Variants in HPD observed in about 807,000 individuals in gnomAD.
HPD encodes the protein 4-hydroxyphenylpyruvate dioxygenase, also known as 4-hydroxyphenylpyruvic acid oxidase.
HPD carries 35 observed loss-of-function variants against 56.9 expected under a neutral mutation model. The observed-to-expected ratio is 0.62, with a 90% CI of 0.47 to 0.82. The LOEUF (loss-of-function observed/expected upper bound fraction) is 0.82, where lower values mean the gene tolerates loss of function less well. HPD is among the 40% of genes least tolerant of loss of function. The probability of loss-of-function intolerance (pLI) is 0.00; values close to 1 mark genes in which losing one functional copy is unlikely to be tolerated. For synonymous variants in HPD, 186 were observed against 200.2 expected (o/e 0.93, Z 0.60); for missense variants, 442 against 506.8 (o/e 0.87, Z 1.23).
chr12:121,842,904 C>A (rs531474266), intron 12 of HPD, among the ~76,000 whole-genome samples: 8 of 151,838 alleles, frequency 5.3e-5, no homozygotes, highest in Non-Finnish European at 1.0e-4. Context: ...TGTGTCACCA[C>A]GCCTGGCTAA....
In HPD at chr12:121,854,702, C is replaced by G. The variant is rs113472814; in HGVS notation, c.414+1G>C. The G allele has an allele frequency of 6.2e-7, 1 of 1,610,688 alleles. No homozygotes were observed. The highest frequency in any genetic ancestry group is 1.3e-5 in the African/African-American group (1 of 74,872). On this transcript the variant is annotated splice_donor_variant, in intron 7 of 13. Coordinates refer to ENST00000289004, the MANE Select transcript of HPD (RefSeq NM_002150.3). LOFTEE classifies it high-confidence loss of function. ...GGGTGGGGGCACCAAAGGGAACTCA[C>G]CGTCTGCAGCACAGCAAACTTCACC... is the stretch of plus-strand genomic sequence containing the variant.
At chr12:121,865,977 ACT>A (rs1339217250), upstream of HPD, among the ~76,000 whole-genome samples, 2 of 150,782 alleles carry the variant, frequency 1.3e-5, no homozygotes, top group Non-Finnish European at 1.5e-5. Flanking sequence ...ACAGAGTGAG[ACT>A]CTGTTTTTTA....
the HPD span, among the ~76,000 whole-genome samples, chr12:121,869,359 A>C: frequency 6.6e-6 from 1 of 150,610 alleles, no homozygotes; most frequent in African/African-American, 2.4e-5. Flanking sequence ...TCAAAAAAAA[A>C]AAAAAAAAAA....
At chr12:121,864,500 C>G (rs1358766571), upstream of HPD, among the ~76,000 whole-genome samples, 3 of 147,870 alleles carry the variant, frequency 2.0e-5, no homozygotes, top group African/African-American at 7.6e-5. Flanking sequence ...CTGAAGTGAG[C>G]TATGATTGTA....
Position 121,839,557 on chromosome 12 carries a change from C to A in HPD, c.*171G>T, listed in dbSNP as rs1007511901. On this transcript the variant is annotated 3_prime_UTR_variant, in exon 14 of 14. Coordinates refer to ENST00000289004, the MANE Select transcript of HPD (RefSeq NM_002150.3). ...CCGGGGCACGCTTTAATCGGGAGGG[C>A]TGGAGCAGAGGGCGGCCCCGCCGAG... 4.7e-6 allele frequency: 3 copies of A among 644,018 alleles called. No individual in the cohort carries two copies. Among genetic ancestry groups the A allele is most frequent in the Admixed American group, 4.8e-5 (2 of 41,298 alleles). 39.9% of individuals were successfully genotyped at this position (644,018 alleles called of 1,614,324 possible).
upstream of HPD, among the ~76,000 whole-genome samples, chr12:121,868,413 G>A (rs961739723): frequency 2.0e-5 from 3 of 152,022 alleles, no homozygotes; most frequent in African/African-American, 4.8e-5. Flanking sequence ...GCGCGATCTC[G>A]GCTCACTGGC....
intron 7 of HPD, among the ~76,000 whole-genome samples, chr12:121,850,530 T>C (rs1877732936): frequency 6.9e-6 from 1 of 145,798 alleles, no homozygotes; most frequent in African/African-American, 2.5e-5. Context: ...CTGGAGTGCA[T>C]TGGCACGATC....
At chr12:121,883,811 C>A in the HPD span, among the ~76,000 whole-genome samples, 1 of 151,726 alleles carries the variant, frequency 6.6e-6, no homozygotes, top group Admixed American at 6.6e-5. Context: ...GAGCTGCCTA[C>A]AAAAGTTTCC....
At position 121,849,748 on chromosome 12, in the gene HPD, T is replaced by G. The variant is rs748745589; in HGVS notation, c.457A>C (p.Ile153Leu). The G allele has an allele frequency of 1.2e-6, 2 of 1,613,870 alleles. No homozygotes were observed. ...THTLVEKMNYIGQFLPGYEAP... is the reference protein window; with the variant it reads ...THTLVEKMNYLGQFLPGYEAP... ...TCATATCCAGGCAAGAATTGGCCGA[T>G]GTAGTTCATCTTCTCCACCAGGGTG... Residue 153 changes from isoleucine to leucine, a missense_variant, in exon 8 of 14, where the codon ATC becomes CTC. Ile to Leu is a conservative substitution (Grantham distance 5). Transcript: ENST00000289004.
chr12:121,842,441 T>C (rs1877437515), intron 12 of HPD, among the ~76,000 whole-genome samples: 1 of 152,088 alleles, frequency 6.6e-6, no homozygotes, highest in South Asian at 2.1e-4. Flanking sequence ...TAACTGTTTT[T>C]GTTTTTCTTT....
At chr12:121,883,678 C>A in the HPD span, among the ~76,000 whole-genome samples, 1 of 124,376 alleles carries the variant, frequency 8.0e-6, no homozygotes, top group South Asian at 2.9e-4. Flanking sequence ...CCTTTTCCTT[C>A]TTTCTTTTTT....
At chr12:121,873,270 G>A in the HPD span, among the ~76,000 whole-genome samples, 1 of 152,190 alleles carries the variant, frequency 6.6e-6, no homozygotes, top group Non-Finnish European at 1.5e-5. Flanking sequence ...GAGACTGGTT[G>A]GCTGTCACCT....
At chr12:121,869,343 T>A in the HPD span, among the ~76,000 whole-genome samples, 2 of 96,174 alleles carry the variant, frequency 2.1e-5, no homozygotes, top group African/African-American at 8.6e-5. Context: ...AGAGTGAAAC[T>A]TCGTCTCAAA....
chr12:121,882,196 G>A, the HPD span, among the ~76,000 whole-genome samples: 336 of 152,190 alleles, frequency 2.2e-3, 3 homozygotes, highest in African/African-American at 7.8e-3. Flanking sequence ...TTCAGGAAAC[G>A]AGGGGAGGAT....
the HPD span, among the ~76,000 whole-genome samples, chr12:121,885,403 T>C: frequency 6.6e-6 from 1 of 151,512 alleles, no homozygotes; most frequent in Non-Finnish European, 1.5e-5. Flanking sequence ...AGTTTCACCA[T>C]GTTGGCCAGG....
the HPD span, among the ~76,000 whole-genome samples, chr12:121,877,188 A>G: frequency 6.6e-6 from 1 of 152,014 alleles, no homozygotes; most frequent in Admixed American, 6.6e-5. Context: ...ATGCAACACA[A>G]CCACCCTGTG....
the HPD span, among the ~76,000 whole-genome samples, chr12:121,876,171 C>T: frequency 2.0e-5 from 3 of 152,014 alleles, no homozygotes; most frequent in Admixed American, 1.3e-4. Context: ...ATTAGCTGGG[C>T]GTGGTGGCGG....
At chr12:121,869,753 G>T in the HPD span, among the ~76,000 whole-genome samples, 1 of 152,026 alleles carries the variant, frequency 6.6e-6, no homozygotes, top group African/African-American at 2.4e-5. Context: ...TCAAACTCCT[G>T]ACCTCAAGTG....
chr12:121,852,533 G>A (rs2707070), intron 7 of HPD, among the ~76,000 whole-genome samples: 65,703 of 151,330 alleles, frequency 0.43, 15,232 homozygotes, highest in East Asian at 0.76. Flanking sequence ...ACAGTAACAC[G>A]GGTCCTAAAC....
Sources: allele counts gnomAD v4.1 joint callset (sites outside exome capture counted in the v4.1 genomes callset), GRCh38; gene constraint gnomAD v4.1.1; transcripts MANE v1.5; gene names NCBI Gene and HGNC (gene_info 2026-07-23, HGNC 2026-07-21).